Variants in CCDC181 observed in about 807,000 individuals in gnomAD.
The protein encoded by CCDC181 is coiled-coil domain-containing protein 181.
A neutral mutation model predicts 58.7 loss-of-function variants in CCDC181; 35 were observed. The observed-to-expected ratio is 0.60, with a 90% CI of 0.46 to 0.79. CCDC181 has a LOEUF of 0.79. Ranked by LOEUF, CCDC181 falls within the 30% of genes least tolerant of loss-of-function variation. The probability of loss-of-function intolerance (pLI) is 0.00; values close to 1 mark genes in which losing one functional copy is unlikely to be tolerated. For synonymous variants in CCDC181, 183 were observed against 197.5 expected, an observed-to-expected ratio of 0.93 and a Z score of 0.62; for missense variants, 517 against 583.9, an observed-to-expected ratio of 0.89 and a Z score of 1.18.
intron 4 of CCDC181, among the ~76,000 whole-genome samples, chr1:169,410,205 GA>G (rs1655889163): frequency 3.2e-5 from 3 of 94,092 alleles, no homozygotes; most frequent in African/African-American, 1.3e-4. Context: ...CAAGCAAATG[GA>G]AAGCAAAAAA....
intron 2 of CCDC181, among the ~76,000 whole-genome samples, chr1:169,453,919 C>CTT (rs955917706): frequency 1.7e-4 from 26 of 152,066 alleles, no homozygotes; most frequent in African/African-American, 6.0e-4. Context: ...CTCCACCTTA[C>CTT]TTGTGGTGGG....
intron 4 of CCDC181, among the ~76,000 whole-genome samples, chr1:169,402,320 T>TCC (rs766260077): frequency 1.3e-5 from 2 of 152,100 alleles, no homozygotes; most frequent in East Asian, 3.9e-4. Context: ...ACAAAGATAC[T>TCC]CCTCAAGAAG....
chr1:169,456,811 G>T (rs1657686357), intron 2 of CCDC181, among the ~76,000 whole-genome samples: 1 of 152,088 alleles, frequency 6.6e-6, no homozygotes, highest in Admixed American at 6.6e-5. Context: ...CCAGTTTTAG[G>T]TATTCTGTTA....
chr1:169,440,391 G>A (rs887405204), intron 2 of CCDC181, among the ~76,000 whole-genome samples: 1 of 152,244 alleles, frequency 6.6e-6, no homozygotes, highest in Non-Finnish European at 1.5e-5. Flanking sequence ...GATTTATCAA[G>A]ACAGGAGAAT....
chr1:169,409,887 G>A (rs1048255039), intron 4 of CCDC181, among the ~76,000 whole-genome samples: 3 of 152,082 alleles, frequency 2.0e-5, no homozygotes, highest in Non-Finnish European at 4.4e-5. Context: ...CTGAAGGAAG[G>A]ACTAAATATG....
chr1:169,458,939 A>C (rs184365366), intron 2 of CCDC181, among the ~76,000 whole-genome samples: 55 of 151,446 alleles, frequency 3.6e-4, no homozygotes, highest in Non-Finnish European at 5.9e-5. Flanking sequence ...CTTATACTCT[A>C]CTGTGGTTTC....
intron 4 of CCDC181, 158 bp downstream of exon 4, chr1:169,418,855 T>C (rs1191451551): frequency 2.2e-5 from 13 of 585,402 alleles, no homozygotes; most frequent in Non-Finnish European, 1.5e-5. Context: ...TAGAACCTAA[T>C]TGTAGTTATC....
chr1:169,453,011 G>GT (rs1362629181), intron 2 of CCDC181, among the ~76,000 whole-genome samples: 4 of 151,066 alleles, frequency 2.6e-5, no homozygotes, highest in Admixed American at 6.6e-5. Context: ...TAGTCTACTT[G>GT]TTTTTTTCAT....
At chr1:169,440,798 G>A (rs1657201336) in intron 2 of CCDC181, among the ~76,000 whole-genome samples, 1 of 151,902 alleles carries the variant, frequency 6.6e-6, no homozygotes, top group South Asian at 2.1e-4. Context: ...GCCAGGCATG[G>A]TGGAGCACAC....
chr1:169,430,709 C>T (rs1272725710), upstream of CCDC181, among the ~76,000 whole-genome samples: 2 of 151,588 alleles, frequency 1.3e-5, no homozygotes. Context: ...AAGAATGAAG[C>T]AACAAAAGCA....
Position 169,457,271 on chromosome 1 carries a change from C to T in CCDC181, c.-24+2526G>A, listed in dbSNP as rs533853265. On this transcript the variant is annotated intron_variant, in intron 2 of 6. Transcript: ENST00000545005. ...ACTCTGATTCCTGTATCTGTGGATT[C>T]ATGTTTTTCGTCAGTTTTGCTAAAT... Among the ~76,000 whole-genome samples the T allele has an allele frequency of 3.3e-5, 5 of 152,182 alleles. No individual in the cohort carries two copies. The East Asian group carries it at 9.6e-4, about 29-fold the overall frequency.
intron 4 of CCDC181, among the ~76,000 whole-genome samples, chr1:169,411,100 T>A (rs371704260): frequency 6.6e-6 from 1 of 152,140 alleles, no homozygotes; most frequent in Admixed American, 6.6e-5. Flanking sequence ...ATCCAGGAGC[T>A]GGTTTTTTGA....
intron 2 of CCDC181, among the ~76,000 whole-genome samples, chr1:169,438,190 C>A (rs1442034588): frequency 1.7e-5 from 2 of 119,072 alleles, no homozygotes; most frequent in African/African-American, 5.9e-5. Flanking sequence ...TAAGACTAGC[C>A]TCACAAATCC....
chr1:169,460,258 G>A (rs1354952197), exon 1 of CCDC181: 1 of 152,276 alleles, frequency 6.6e-6, no homozygotes, highest in East Asian at 1.9e-4. Context: ...AATACCTGAT[G>A]TGTGAATTTC....
chr1:169,404,309 A>ATATCT (rs1415424812), intron 4 of CCDC181, among the ~76,000 whole-genome samples: 2 of 151,612 alleles, frequency 1.3e-5, no homozygotes, highest in Non-Finnish European at 3.0e-5. Flanking sequence ...CTAACTCGTT[A>ATATCT]TAAGGCCAGC....
Position 169,421,464 on chromosome 1 carries a change from A to T in CCDC181, c.967T>A (p.Ser323Thr). 6.2e-7 allele frequency: 1 copy of T among 1,614,060 alleles called. No homozygotes were observed. Among genetic ancestry groups the T allele is most frequent in the South Asian group, 1.1e-5 (1 of 91,076 alleles). The change falls in exon 3 of 6, where the codon TCT (serine) becomes ACT (threonine). Residue 323 changes from serine (S) to threonine (T), a missense_variant. Coordinates refer to ENST00000367806, the MANE Select transcript of CCDC181 (RefSeq NM_001300969.2). ...GAAGTCACTGGTGAGATATGTGCAG[A>T]CTGTGTCCTGTGATTAGATTTCCCA... ...GNGKSNHRTQSAHISPVTSTY... is the reference protein window; with the variant it reads ...GNGKSNHRTQTAHISPVTSTY...
chr1:169,444,226 T>A (rs1354201375), intron 2 of CCDC181, among the ~76,000 whole-genome samples: 1 of 152,174 alleles, frequency 6.6e-6, no homozygotes, highest in Non-Finnish European at 1.5e-5. Flanking sequence ...AGGATAGTGC[T>A]TTTTTATTTG....
At chr1:169,431,956 A>G (rs1207116624), upstream of CCDC181, among the ~76,000 whole-genome samples, 1 of 152,188 alleles carries the variant, frequency 6.6e-6, no homozygotes, top group Non-Finnish European at 1.5e-5. Flanking sequence ...ACAAACATTA[A>G]AGACTAAGAC....
At chr1:169,442,605 A>C (rs1657262038) in intron 2 of CCDC181, 1 of 152,124 alleles carries the variant, frequency 6.6e-6, no homozygotes, top group Admixed American at 6.5e-5. Flanking sequence ...GTTAATGCAC[A>C]TTCATTTATA....
Sources: allele counts gnomAD v4.1 joint callset (sites outside exome capture counted in the v4.1 genomes callset), GRCh38; gene constraint gnomAD v4.1.1; transcripts MANE v1.5; gene names NCBI Gene and HGNC (gene_info 2026-07-23, HGNC 2026-07-21).